Variants in INSR observed in about 807,000 individuals in gnomAD.
The protein encoded by INSR is insulin receptor, also known as IR.
A neutral mutation model predicts 142.6 loss-of-function variants in INSR; 67 were observed. That is an observed-to-expected ratio of 0.47 (90% CI 0.39 to 0.58). The LOEUF is 0.58. Among genes scored for constraint, INSR ranks in the 20% least tolerant of loss-of-function variants. The pLI, the probability that INSR is intolerant of heterozygous loss-of-function variation, is 0.00. For missense variants in INSR, 1,248 were observed against 1,833.2 expected (o/e 0.68, Z 5.83); for synonymous variants, 756 against 743.1 (o/e 1.02, Z -0.28).
intron 13 of INSR, among the ~76,000 whole-genome samples, chr19:7,140,237 C>G (rs1973035296): frequency 6.6e-6 from 1 of 152,148 alleles, no homozygotes; most frequent in African/African-American, 2.4e-5. Flanking sequence ...TAGGAGGACT[C>G]CCTCTCAAAG....
At position 7,115,612 on chromosome 19, in the gene INSR, T is replaced by C. The variant is rs919103199; in HGVS notation, c.*1444A>G. 6.6e-6 allele frequency: 1 copy of C among 150,426 alleles called. No individual in the cohort carries two copies. Among genetic ancestry groups the C allele is most frequent in the Non-Finnish European group, 1.5e-5 (1 of 67,870 alleles). 9.3% of individuals were successfully genotyped at this position (150,426 alleles called of 1,614,324 possible). A position where few individuals can be genotyped will look rare whatever the true frequency, so the allele number is the denominator to read the frequency against. ...ATCCAGGTTGTTGTGCTTTGGGATC[T>C]GACGTTCTTGGGTTTGCACAATAAC... On this transcript the variant is annotated 3_prime_UTR_variant, in exon 22 of 22. Coordinates refer to ENST00000302850, the MANE Select transcript of INSR (RefSeq NM_000208.4).
rs141169809 is a variant in INSR at position 7,146,482 on chromosome 19, C to T, written c.2268-3392G>A. 7.3e-3 allele frequency among the ~76,000 whole-genome samples: 1,115 copies of T among 151,882 alleles called. 8 individuals carry two copies. The highest frequency in any genetic ancestry group is 0.041 in the East Asian group (210 of 5,160). On this transcript the variant is annotated intron_variant, in intron 11 of 21. Transcript: ENST00000302850. Reference sequence around the variant, plus strand: ...TTCTCAATCTCTTGACCTTGTGATCCGCCCCCCACCTCAGCCTCCCAAAGT... The same window carrying T: ...TTCTCAATCTCTTGACCTTGTGATCTGCCCCCCACCTCAGCCTCCCAAAGT...
rs547070362 is a variant in INSR, at chr19:7,142,290, T to C, written c.2543-474A>G. Among the ~76,000 whole-genome samples, 14 of 145,294 alleles carry C rather than the reference T, an allele frequency of 9.6e-5. No homozygotes were observed. The East Asian group carries it at 2.4e-3, about 25-fold the overall frequency. ...ATGTAGTCCCAGCTACTCAGGAGGC[T>C]GAGGCAGGAGAATTGCTTGAACCAG... On this transcript the variant is annotated intron_variant, in intron 12 of 21. Transcript: ENST00000302850.
intron 1 of INSR, among the ~76,000 whole-genome samples, chr19:7,271,621 G>C (rs1158421046): frequency 2.6e-5 from 4 of 152,182 alleles, no homozygotes; most frequent in Non-Finnish European, 4.4e-5. Flanking sequence ...ATTGCCATAT[G>C]ACCTGGCAAT....
At chr19:7,279,106 T>G (rs1003923767) in intron 1 of INSR, among the ~76,000 whole-genome samples, 3 of 151,746 alleles carry the variant, frequency 2.0e-5, no homozygotes, top group African/African-American at 7.3e-5. Context: ...CTAGCCTGGG[T>G]GACAGAGTGA....
chr19:7,201,511 GCTACT>G (rs1345213550), intron 2 of INSR, among the ~76,000 whole-genome samples: 2 of 151,312 alleles, frequency 1.3e-5, no homozygotes, highest in African/African-American at 2.4e-5. Flanking sequence ...TGTAATCCCA[GCTACT>G]CGGGAGGCTG....
At chr19:7,257,806 C>G (rs1976941945) in intron 2 of INSR, among the ~76,000 whole-genome samples, 1 of 152,126 alleles carries the variant, frequency 6.6e-6, no homozygotes, top group Non-Finnish European at 1.5e-5. Flanking sequence ...CTGAAACAGC[C>G]TCTATCCCTG....
At chr19:7,204,443 C>A (rs753101787) in intron 2 of INSR, among the ~76,000 whole-genome samples, 1 of 152,066 alleles carries the variant, frequency 6.6e-6, no homozygotes, top group Non-Finnish European at 1.5e-5. Context: ...CTCGTTTTCC[C>A]GGGGGGCCAC....
At chr19:7,121,247 C>T (rs1361976043) in intron 19 of INSR, among the ~76,000 whole-genome samples, 1 of 152,100 alleles carries the variant, frequency 6.6e-6, no homozygotes, top group African/African-American at 2.4e-5. Context: ...AATCTACCCA[C>T]CTCAGCCTCC....
chr19:7,248,130 C>CTTTTATT (rs1002176980), intron 2 of INSR, among the ~76,000 whole-genome samples: 4 of 151,700 alleles, frequency 2.6e-5, no homozygotes, highest in South Asian at 2.1e-4. Context: ...AAGACTCCAT[C>CTTTTATT]TTTTATTTTT....
chr19:7,136,828 C>T lies in INSR; in HGVS notation c.2683-4511G>A, dbSNP rs1436073371. Among the ~76,000 whole-genome samples the T allele has an allele frequency of 7.9e-5, 11 of 139,820 alleles. 1 individual carries two copies. Among genetic ancestry groups the T allele is most frequent in the African/African-American group, 2.6e-4 (9 of 34,608 alleles). The allele number at this position is 139,820 out of a possible 152,430, so 91.7% of individuals were successfully genotyped here. A position where few individuals can be genotyped will look rare whatever the true frequency, so the allele number is the denominator to read the frequency against. ...ATGTAAAACTTTATTTATTTATTTA[C>T]ATATATATATATATATATATTGAGA... On this transcript the variant is annotated intron_variant, in intron 13 of 21. Transcript: ENST00000302850.
At chr19:7,187,333 T>C (rs12974699) in intron 2 of INSR, among the ~76,000 whole-genome samples, 106,711 of 151,764 alleles carry the variant, frequency 0.7, 37,668 homozygotes, top group Non-Finnish European at 0.72. Flanking sequence ...CCACTCACCC[T>C]GGCCCCCCAA....
intron 2 of INSR, among the ~76,000 whole-genome samples, chr19:7,198,162 G>A (rs982415564): frequency 6.6e-6 from 1 of 151,870 alleles, no homozygotes; most frequent in South Asian, 2.1e-4. Context: ...AAAGCCCGGG[G>A]CGCACTCCGC....
chr19:7,131,408 C>T (rs979071624), intron 14 of INSR, among the ~76,000 whole-genome samples: 7 of 151,678 alleles, frequency 4.6e-5, no homozygotes, highest in Non-Finnish European at 8.8e-5. Context: ...TGCAGTGGCA[C>T]GATCTCGGTT....
Position 7,249,803 on chromosome 19 carries a change from T to C in INSR, c.652+17542A>G, listed in dbSNP as rs187979927. On this transcript the variant is annotated intron_variant, in intron 2 of 21. Coordinates refer to ENST00000302850, the MANE Select transcript of INSR (RefSeq NM_000208.4). ...GTCAGGAGATCGAGACCATCCTGGCTAACAGGGTGAAACCCCGTCTCTACT... is the reference window on the plus strand; with the variant it reads ...GTCAGGAGATCGAGACCATCCTGGCCAACAGGGTGAAACCCCGTCTCTACT... Among the ~76,000 whole-genome samples the C allele has an allele frequency of 4.2e-4, 64 of 152,146 alleles. No homozygotes were observed. The East Asian group carries it at 5.2e-3, about 12-fold the overall frequency.
In INSR at chr19:7,216,806, G is replaced by A. The variant is rs763808324; in HGVS notation, c.653-32169C>T. 1.3e-5 allele frequency among the ~76,000 whole-genome samples: 2 copies of A among 151,962 alleles called. No individual in the cohort carries two copies. The highest frequency in any genetic ancestry group is 2.9e-5 in the Non-Finnish European group (2 of 67,986). On this transcript the variant is annotated intron_variant, in intron 2 of 21. Coordinates refer to ENST00000302850, the MANE Select transcript of INSR (RefSeq NM_000208.4). The surrounding 1 kb of genome is among the most constrained non-coding windows in gnomAD (Gnocchi z 4.2). Reference sequence around the variant, plus strand: ...TCACAAACGCCCACAAATGTAAAACGACATACATTTATTATTTTCTCCTGC... The same window carrying A: ...TCACAAACGCCCACAAATGTAAAACAACATACATTTATTATTTTCTCCTGC...
At chr19:7,131,882 C>T (rs1252066338) in intron 14 of INSR, among the ~76,000 whole-genome samples, 1 of 151,318 alleles carries the variant, frequency 6.6e-6, no homozygotes, top group African/African-American at 2.4e-5. Context: ...ACCTGTAGTC[C>T]CAGCTACTGT....
chr19:7,168,637 T>G lies in INSR; in HGVS notation c.1484-543A>C, dbSNP rs1283735097. Among the ~76,000 whole-genome samples the G allele has an allele frequency of 6.6e-6, 1 of 152,208 alleles. No homozygotes were observed. The highest frequency in any genetic ancestry group is 1.5e-5 in the Non-Finnish European group (1 of 68,046). The stretch of plus-strand genomic sequence containing the variant: ...TCGCTCTCTCTCCTTGCACTACATT[T>G]TTTTTGAGACAGTCTTGCTCTGTCA... On this transcript the variant is annotated intron_variant, in intron 6 of 21. Coordinates refer to ENST00000302850, the MANE Select transcript of INSR (RefSeq NM_000208.4). This position sits in a 1 kb window ranked among gnomAD's most constrained non-coding sequence, Gnocchi z 4.3.
chr19:7,279,412 A>C (rs369902187), intron 1 of INSR, among the ~76,000 whole-genome samples: 8 of 151,680 alleles, frequency 5.3e-5, no homozygotes, highest in African/African-American at 1.9e-4. Context: ...AGTTTGTGTG[A>C]ACAGGACTTC....
Sources: gnomAD v4.1 joint callset for allele counts (sites outside exome capture counted in the v4.1 genomes callset) on GRCh38, gnomAD v4.1.1 for gene constraint, Gnocchi (gnomAD v3.1) non-coding constraint, MANE v1.5 for transcripts, NCBI Gene and HGNC (gene_info 2026-07-23, HGNC 2026-07-21) for gene names.